The following MEI4 variants were observed in gnomAD, a reference collection of about 807,000 sequenced individuals.
MEI4 encodes meiosis-specific protein MEI4.
A neutral mutation model predicts 31.4 loss-of-function variants in MEI4; 27 were observed. The observed-to-expected ratio is 0.86, with a 90% confidence interval of 0.63 to 1.19. The LOEUF is 1.19. MEI4 is among the 50% of genes most tolerant of loss of function. The probability of loss-of-function intolerance (pLI) is 0.00; values close to 1 mark genes in which losing one functional copy is unlikely to be tolerated. For missense variants in MEI4, 329 were observed against 398.9 expected (o/e 0.82, Z 1.49); for synonymous variants, 122 against 145.4 (o/e 0.84, Z 1.16).
chr6:77,861,943 AT>A (rs1770876301), intron 4 of MEI4, among the ~76,000 whole-genome samples: 1 of 152,140 alleles, frequency 6.6e-6, no homozygotes, highest in South Asian at 2.1e-4. Flanking sequence ...ATTATCATGC[AT>A]ACTTCAAACA....
chr6:77,683,199 AC>A (rs1173243470), intron 1 of MEI4, among the ~76,000 whole-genome samples: 4 of 152,146 alleles, frequency 2.6e-5, no homozygotes, highest in African/African-American at 9.7e-5. Flanking sequence ...GAGACTTCAT[AC>A]AAAATGCTTC....
intron 2 of MEI4, among the ~76,000 whole-genome samples, chr6:77,695,491 G>T (rs937003620): frequency 8.5e-5 from 13 of 152,176 alleles, no homozygotes; most frequent in African/African-American, 2.9e-4. Context: ...TGGCTAGCCA[G>T]TTTTCCCAGC....
chr6:77,697,859 A>C (rs1766094588), intron 2 of MEI4, among the ~76,000 whole-genome samples: 1 of 152,154 alleles, frequency 6.6e-6, no homozygotes, highest in Non-Finnish European at 1.5e-5. Flanking sequence ...TAATGTTGAC[A>C]GTGGGGTGTT....
chr6:77,871,376 A>C (rs1771186393), intron 4 of MEI4, among the ~76,000 whole-genome samples: 1 of 152,202 alleles, frequency 6.6e-6, no homozygotes, highest in African/African-American at 2.4e-5. Flanking sequence ...ATTGAGTTTT[A>C]TTTTGTAGAT....
At chr6:77,905,813 A>G (rs1766282863) in intron 4 of MEI4, among the ~76,000 whole-genome samples, 1 of 149,794 alleles carries the variant, frequency 6.7e-6, no homozygotes, top group East Asian at 2.0e-4. Flanking sequence ...TTTTTTTTTA[A>G]TAATATAAGA....
chr6:77,827,054 T>C lies in MEI4; in HGVS notation c.769-1877T>C, dbSNP rs534403300. On this transcript the variant is annotated intron_variant, in intron 3 of 4. Transcript: ENST00000684080. ...GGGCAACCAAGGTAGCTGCTACTTC[T>C]ATTGTGATTAAAAGAACCTACATAG... Among the ~76,000 whole-genome samples the C allele has an allele frequency of 2.6e-5, 4 of 152,218 alleles. No individual in the cohort carries two copies. In the East Asian group the frequency reaches 7.7e-4, roughly 29 times the overall value.
chr6:77,908,190 T>C (rs1488718906), intron 4 of MEI4, among the ~76,000 whole-genome samples: 2 of 152,178 alleles, frequency 1.3e-5, no homozygotes, highest in African/African-American at 4.8e-5. Context: ...TTGTTGCCAT[T>C]GCTTTTGGTG....
chr6:77,879,273 C>T (rs911284350), intron 4 of MEI4, among the ~76,000 whole-genome samples: 7 of 151,986 alleles, frequency 4.6e-5, no homozygotes, highest in Admixed American at 6.6e-5. Flanking sequence ...GAGTATTAAC[C>T]GCCTGTTTCT....
chr6:77,793,942 A>C (rs574601807), intron 3 of MEI4, among the ~76,000 whole-genome samples: 2 of 152,348 alleles, frequency 1.3e-5, no homozygotes, highest in African/African-American at 4.8e-5. Context: ...TTACCTGTCA[A>C]TAATTCCTTT....
intron 2 of MEI4, among the ~76,000 whole-genome samples, chr6:77,734,424 T>G (rs921484109): frequency 6.6e-6 from 1 of 152,170 alleles, no homozygotes; most frequent in Admixed American, 6.5e-5. Flanking sequence ...TCTTTGTTGG[T>G]TTAAAGTCTG....
intron 2 of MEI4, among the ~76,000 whole-genome samples, chr6:77,735,680 G>T (rs1266772207): frequency 6.6e-6 from 1 of 152,062 alleles, no homozygotes; most frequent in Non-Finnish European, 1.5e-5. Context: ...CTGGTGAGGA[G>T]CTGCGTTCCT....
chr6:77,869,819 A>G (rs1771149166), intron 4 of MEI4, among the ~76,000 whole-genome samples: 1 of 152,154 alleles, frequency 6.6e-6, no homozygotes, highest in African/African-American at 2.4e-5. Flanking sequence ...CAAGTGCAGA[A>G]GTCTTGAGAA....
At chr6:77,742,417 T>G (rs1582088488) in intron 2 of MEI4, among the ~76,000 whole-genome samples, 7 of 152,306 alleles carry the variant, frequency 4.6e-5, no homozygotes, top group Admixed American at 1.3e-4. Context: ...CATAAATGTC[T>G]TCTTTTGAGA....
chr6:77,651,165 G>A (rs1002074075), upstream of MEI4, among the ~76,000 whole-genome samples: 5 of 152,136 alleles, frequency 3.3e-5, no homozygotes, highest in Non-Finnish European at 7.4e-5. Context: ...TCATGGAGGA[G>A]GTGTCCCTTT....
intron 1 of MEI4, among the ~76,000 whole-genome samples, chr6:77,679,099 A>G (rs1422484996): frequency 1.3e-5 from 2 of 152,234 alleles, no homozygotes; most frequent in Non-Finnish European, 2.9e-5. Flanking sequence ...TGAAATGTTT[A>G]TAAGGTAAAA....
At chr6:77,715,653 C>A (rs1766563181) in intron 2 of MEI4, among the ~76,000 whole-genome samples, 1 of 152,084 alleles carries the variant, frequency 6.6e-6, no homozygotes, top group South Asian at 2.1e-4. Flanking sequence ...AATGTACTTA[C>A]AGAGTTCTCA....
intron 4 of MEI4, among the ~76,000 whole-genome samples, chr6:77,883,661 A>G (rs906999413): frequency 1.5e-5 from 2 of 133,708 alleles, no homozygotes; most frequent in Non-Finnish European, 3.2e-5. Flanking sequence ...GCACAATACT[A>G]TTGTGTGTTA....
intron 4 of MEI4, among the ~76,000 whole-genome samples, chr6:77,849,752 C>G (rs1200485274): frequency 6.6e-6 from 1 of 152,100 alleles, no homozygotes; most frequent in Non-Finnish European, 1.5e-5. Flanking sequence ...AAAGTAGCAA[C>G]TTAGTGTGAT....
At chr6:77,913,990 T>G (rs1766487729) in intron 4 of MEI4, among the ~76,000 whole-genome samples, 1 of 147,904 alleles carries the variant, frequency 6.8e-6, no homozygotes, top group Admixed American at 6.8e-5. Context: ...GCCAAGATCA[T>G]GCCACTGCAC....
Sources: gnomAD v4.1 joint callset for allele counts (sites outside exome capture counted in the v4.1 genomes callset) on GRCh38, gnomAD v4.1.1 for gene constraint, MANE v1.5 for transcripts, NCBI Gene and HGNC (gene_info 2026-07-23, HGNC 2026-07-21) for gene names.